Variants in CLIC5 observed in about 807,000 individuals in gnomAD.
CLIC5 encodes CLIC family member 5.
In CLIC5, 20 loss-of-function variants were observed where a neutral mutation model predicts 24.7. That is an observed-to-expected ratio of 0.81 (90% CI 0.57 to 1.18). The LOEUF is 1.18. Among genes scored for constraint, CLIC5 ranks in the 50% most tolerant of loss-of-function variants. The probability of loss-of-function intolerance (pLI) is 0.00; values close to 1 mark genes in which losing one functional copy is unlikely to be tolerated. For missense variants in CLIC5, 341 were observed against 326.1 expected, an observed-to-expected ratio of 1.05 and a Z score of -0.35; for synonymous variants, 159 against 135.6, an observed-to-expected ratio of 1.17 and a Z score of -1.20.
rs553925478 is a variant in CLIC5, at chr6:45,958,016, A to C, written c.64-2772T>G. Among the ~76,000 whole-genome samples, 4 of 152,078 alleles carry C rather than the reference A, an allele frequency of 2.6e-5. No homozygotes were observed. In the South Asian group the frequency reaches 8.3e-4, roughly 32 times the overall value. ...GTCCTAGGTTGAATCATGTTCCCCC[A>C]AATTCATGTCCCCCTGGAATGTGTG... On this transcript the variant is annotated intron_variant, in intron 1 of 5. Coordinates refer to ENST00000339561, the MANE Select transcript of CLIC5 (RefSeq NM_016929.5).
chr6:45,922,823 A>AAGAGAGAGAAAGAGAGAGAG (rs1763319266), intron 4 of CLIC5, among the ~76,000 whole-genome samples: 1 of 140,614 alleles, frequency 7.1e-6, no homozygotes, highest in South Asian at 2.3e-4. Context: ...GAGAGAGAGA[A>AAGAGAGAGAAAGAGAGAGAG]AGAGAGAGAG....
At chr6:46,075,446 A>T (rs1762740211) in intron 1 of CLIC5, among the ~76,000 whole-genome samples, 2 of 152,104 alleles carry the variant, frequency 1.3e-5, no homozygotes, top group African/African-American at 4.8e-5. Flanking sequence ...TTAGATGGGT[A>T]TGGTGGTGCA....
chr6:45,963,684 A>C (rs553188312), intron 1 of CLIC5, among the ~76,000 whole-genome samples: 33 of 152,130 alleles, frequency 2.2e-4, no homozygotes, highest in Non-Finnish European at 3.8e-4. Context: ...AAGTCAGAGA[A>C]GGAAAGAAAA....
intron 1 of CLIC5, among the ~76,000 whole-genome samples, chr6:46,050,301 G>A (rs1768068443): frequency 6.6e-6 from 1 of 152,152 alleles, no homozygotes; most frequent in African/African-American, 2.4e-5. Context: ...TTGATGCCCT[G>A]CACTCTGGTT....
intron 5 of CLIC5, among the ~76,000 whole-genome samples, chr6:45,905,852 G>A (rs1190426156): frequency 6.6e-6 from 1 of 151,950 alleles, no homozygotes; most frequent in African/African-American, 2.4e-5. Context: ...TACAAGTTGA[G>A]GTAAATCTTT....
intron 2 of CLIC5, among the ~76,000 whole-genome samples, chr6:45,950,522 G>C (rs888307845): frequency 1.3e-5 from 2 of 152,188 alleles, no homozygotes; most frequent in Non-Finnish European, 2.9e-5. Flanking sequence ...GTGAGCCGTT[G>C]ATGGCACCAC....
intron 1 of CLIC5, among the ~76,000 whole-genome samples, chr6:46,066,116 G>A (rs1200511558): frequency 1.3e-5 from 2 of 152,124 alleles, no homozygotes; most frequent in Non-Finnish European, 2.9e-5. Flanking sequence ...ATGGAAATGA[G>A]GTGTCTGAAG....
At chr6:45,990,770 A>G (rs1331983131) in intron 1 of CLIC5, among the ~76,000 whole-genome samples, 2 of 152,222 alleles carry the variant, frequency 1.3e-5, no homozygotes, top group Admixed American at 6.5e-5. Flanking sequence ...ATATAATGAT[A>G]ACCTTGGAGT....
chr6:46,125,084 C>A, the CLIC5 span, among the ~76,000 whole-genome samples: 3 of 152,136 alleles, frequency 2.0e-5, no homozygotes, highest in Non-Finnish European at 4.4e-5. Context: ...TAGGTATATA[C>A]CCAAAGGATT....
chr6:46,020,122 A>T (rs1767134891), upstream of CLIC5, among the ~76,000 whole-genome samples: 2 of 152,188 alleles, frequency 1.3e-5, no homozygotes, highest in African/African-American at 4.8e-5. Context: ...CAACAACATA[A>T]TATACACTAT....
At chr6:45,914,747 T>G (rs1762956778) in intron 4 of CLIC5, among the ~76,000 whole-genome samples, 1 of 151,270 alleles carries the variant, frequency 6.6e-6, no homozygotes, top group Admixed American at 6.6e-5. Context: ...CGTTAAGAGA[T>G]CGAAACCACC....
chr6:46,108,659 A>C, the CLIC5 span, among the ~76,000 whole-genome samples: 1 of 152,090 alleles, frequency 6.6e-6, no homozygotes, highest in Non-Finnish European at 1.5e-5. Context: ...TGACCTCCCA[A>C]AGTGCTGAGA....
At chr6:46,111,306 A>C in the CLIC5 span, among the ~76,000 whole-genome samples, 2 of 152,122 alleles carry the variant, frequency 1.3e-5, no homozygotes, top group Non-Finnish European at 2.9e-5. Context: ...TAAACACCTA[A>C]TTCAAACTAC....
chr6:45,886,700 A>G (rs1762308908), intron 6 of CLIC5, among the ~76,000 whole-genome samples: 1 of 152,186 alleles, frequency 6.6e-6, no homozygotes, highest in Non-Finnish European at 1.5e-5. Flanking sequence ...GAAAATGGGT[A>G]TCTTCTGCCT....
At chr6:45,881,266 C>T (rs145828272) in intron 6 of CLIC5, 76 of 397,440 alleles carry the variant, frequency 1.9e-4, no homozygotes, top group African/African-American at 1.4e-3. Flanking sequence ...GCCAACAAAT[C>T]ATGCAAGCAT....
chr6:46,061,181 T>TTTTG (rs70996361), intron 1 of CLIC5, among the ~76,000 whole-genome samples: 7,008 of 152,018 alleles, frequency 0.046, 266 homozygotes, highest in East Asian at 0.13. Context: ...TTGTTTTTGT[T>TTTTG]TTTGTTTGTT....
At chr6:46,071,879 A>G (rs1322992858) in intron 1 of CLIC5, among the ~76,000 whole-genome samples, 1 of 152,210 alleles carries the variant, frequency 6.6e-6, no homozygotes, top group Non-Finnish European at 1.5e-5. Flanking sequence ...AATGTGGTAC[A>G]TATATACCAT....
At chr6:46,042,015 A>C (rs542642072) in intron 1 of CLIC5, among the ~76,000 whole-genome samples, 19 of 152,312 alleles carry the variant, frequency 1.2e-4, no homozygotes, top group Non-Finnish European at 2.2e-4. Context: ...TTCATTATCT[A>C]TATAATGGGA....
At chr6:45,917,365 C>T (rs967075530) in intron 4 of CLIC5, among the ~76,000 whole-genome samples, 3 of 152,178 alleles carry the variant, frequency 2.0e-5, no homozygotes, top group Non-Finnish European at 4.4e-5. Flanking sequence ...CCTTACCAAA[C>T]GTGGGGTCCT....
Sources: allele counts gnomAD v4.1 joint callset (sites outside exome capture counted in the v4.1 genomes callset), GRCh38; gene constraint gnomAD v4.1.1; transcripts MANE v1.5; gene names NCBI Gene and HGNC (gene_info 2026-07-23, HGNC 2026-07-21).